Variants in ABTB3 observed in about 807,000 individuals in gnomAD.
ABTB3 encodes the protein ankyrin repeat- and BTB/POZ domain-containing protein 3.
the ABTB3 span, among the ~76,000 whole-genome samples, chr12:107,517,054 G>A: frequency 6.6e-6 from 1 of 152,164 alleles, no homozygotes; most frequent in African/African-American, 2.4e-5. Flanking sequence ...TGTATAAGGT[G>A]TAAAGGGATC....
the ABTB3 span, among the ~76,000 whole-genome samples, chr12:107,502,228 C>T: frequency 6.6e-6 from 1 of 151,946 alleles, no homozygotes; most frequent in Non-Finnish European, 1.5e-5. Flanking sequence ...CCTTGCCTGG[C>T]TAATTTTTGT....
the ABTB3 span, among the ~76,000 whole-genome samples, chr12:107,498,919 T>C: frequency 2.6e-5 from 4 of 152,254 alleles, no homozygotes; most frequent in Non-Finnish European, 4.4e-5. Flanking sequence ...TCTTTCAAAA[T>C]TGGTAAATCA....
chr12:107,615,806 G>A, the ABTB3 span, among the ~76,000 whole-genome samples: 2 of 152,170 alleles, frequency 1.3e-5, no homozygotes, highest in Admixed American at 1.3e-4. Context: ...CAGCCATACG[G>A]TACATTCTAA....
chr12:107,376,340 T>C, the ABTB3 span, among the ~76,000 whole-genome samples: 2 of 152,180 alleles, frequency 1.3e-5, no homozygotes, highest in African/African-American at 2.4e-5. Flanking sequence ...CAGCACATAA[T>C]TGTAGGCCTT....
chr12:107,583,482 A>T, the ABTB3 span, among the ~76,000 whole-genome samples: 1 of 152,200 alleles, frequency 6.6e-6, no homozygotes, highest in Non-Finnish European at 1.5e-5. Flanking sequence ...GGAGCCAGAT[A>T]TCGCACCCAG....
chr12:107,568,852 C>T, the ABTB3 span, among the ~76,000 whole-genome samples: 3 of 152,210 alleles, frequency 2.0e-5, no homozygotes, highest in Admixed American at 1.3e-4. Context: ...CAGATAGATA[C>T]ACAAGTCACA....
the ABTB3 span, among the ~76,000 whole-genome samples, chr12:107,489,705 C>T: frequency 4.6e-5 from 7 of 152,094 alleles, no homozygotes; most frequent in African/African-American, 9.7e-5. Context: ...ATGTCCCCAA[C>T]GAATGGAATA....
chr12:107,394,429 AT>A, the ABTB3 span, among the ~76,000 whole-genome samples: 1 of 152,314 alleles, frequency 6.6e-6, no homozygotes, highest in African/African-American at 2.4e-5. Context: ...GTCCATTCTG[AT>A]CTTGGCTTCT....
At chr12:107,456,728 C>T in the ABTB3 span, among the ~76,000 whole-genome samples, 3 of 152,188 alleles carry the variant, frequency 2.0e-5, no homozygotes, top group African/African-American at 7.2e-5. Context: ...GTCCCTGGTA[C>T]CAAAAAGATC....
At chr12:107,574,134 C>A in the ABTB3 span, among the ~76,000 whole-genome samples, 1 of 152,192 alleles carries the variant, frequency 6.6e-6, no homozygotes, top group Admixed American at 6.5e-5. Flanking sequence ...CAGGTGGAGA[C>A]AGAACCCACC....
At chr12:107,645,537 C>T in the ABTB3 span, among the ~76,000 whole-genome samples, 1 of 152,202 alleles carries the variant, frequency 6.6e-6, no homozygotes, top group African/African-American at 2.4e-5. Context: ...CTGTGGGCAC[C>T]TGGGCCCCCC....
chr12:107,364,064 C>T, the ABTB3 span, among the ~76,000 whole-genome samples: 1 of 152,036 alleles, frequency 6.6e-6, no homozygotes, highest in Non-Finnish European at 1.5e-5. Flanking sequence ...CAGACAAATC[C>T]CAAATCTCAG....
chr12:107,429,208 A>G, the ABTB3 span, among the ~76,000 whole-genome samples: 1 of 152,178 alleles, frequency 6.6e-6, no homozygotes, highest in Non-Finnish European at 1.5e-5. Flanking sequence ...GAGTTGAGTC[A>G]GTTCTGTTCC....
At chr12:107,426,969 C>T in the ABTB3 span, among the ~76,000 whole-genome samples, 1 of 152,204 alleles carries the variant, frequency 6.6e-6, no homozygotes, top group Admixed American at 6.5e-5. Context: ...TTTTCACCCC[C>T]CACTGCCCCA....
the ABTB3 span, among the ~76,000 whole-genome samples, chr12:107,475,525 A>T: frequency 6.6e-6 from 1 of 152,034 alleles, no homozygotes; most frequent in Non-Finnish European, 1.5e-5. Flanking sequence ...GTCCTTTTCC[A>T]CACAGCTCAC....
the ABTB3 span, among the ~76,000 whole-genome samples, chr12:107,626,169 C>T: frequency 1.9e-4 from 29 of 152,194 alleles, no homozygotes; most frequent in Non-Finnish European, 2.4e-4. Context: ...GGTCGTCTGC[C>T]GCCTTCTCTC....
At chr12:107,568,102 G>A in the ABTB3 span, among the ~76,000 whole-genome samples, 1 of 152,172 alleles carries the variant, frequency 6.6e-6, no homozygotes, top group African/African-American at 2.4e-5. Context: ...CTTTGGAGAA[G>A]CAATAAAATA....
At chr12:107,332,407 T>A in the ABTB3 span, among the ~76,000 whole-genome samples, 2 of 152,228 alleles carry the variant, frequency 1.3e-5, no homozygotes, top group East Asian at 1.9e-4. Flanking sequence ...TCATCTCTGT[T>A]TTACAGATGA....
chr12:107,605,516 A>G, the ABTB3 span, among the ~76,000 whole-genome samples: 23 of 152,328 alleles, frequency 1.5e-4, no homozygotes, highest in Admixed American at 9.1e-4. Flanking sequence ...TTGAAGGGTC[A>G]GAAGAAAGAG....
Sources: allele counts gnomAD v4.1 joint callset (sites outside exome capture counted in the v4.1 genomes callset), GRCh38; gene constraint gnomAD v4.1.1; transcripts MANE v1.5; gene names NCBI Gene and HGNC (gene_info 2026-07-23, HGNC 2026-07-21).